The following CNTN4 variants were observed in gnomAD, a reference collection of about 807,000 sequenced individuals.
The protein encoded by CNTN4 is contactin-4.
In CNTN4, 77 loss-of-function variants were observed where a neutral mutation model predicts 122.5. That is an observed-to-expected ratio of 0.63 (90% confidence interval 0.52 to 0.76). CNTN4 has a LOEUF of 0.76. Among genes scored for constraint, CNTN4 ranks in the 30% least tolerant of loss-of-function variants. The pLI, the probability that CNTN4 is intolerant of heterozygous loss-of-function variation, is 0.00. For missense variants in CNTN4, 1,256 were observed against 1,259.1 expected, an observed-to-expected ratio of 1.00 and a Z score of 0.04; for synonymous variants, 512 against 447.0, an observed-to-expected ratio of 1.15 and a Z score of -1.83.
intron 3 of CNTN4, among the ~76,000 whole-genome samples, chr3:2,347,109 C>G (rs1026039218): frequency 6.7e-6 from 1 of 149,012 alleles, no homozygotes; most frequent in Admixed American, 6.8e-5. Context: ...TGCTACTTAA[C>G]TTTTGTATCA....
intron 3 of CNTN4, among the ~76,000 whole-genome samples, chr3:2,513,765 T>C (rs986203184): frequency 1.3e-5 from 2 of 152,290 alleles, no homozygotes; most frequent in South Asian, 4.1e-4. Context: ...GTCTTCCTAG[T>C]TGTTTGCTTA....
chr3:2,349,012 C>T (rs557940094), intron 3 of CNTN4, among the ~76,000 whole-genome samples: 13 of 152,286 alleles, frequency 8.5e-5, no homozygotes, highest in African/African-American at 2.9e-4. Context: ...AGGAAAGATA[C>T]AACTTTGTCC....
intron 3 of CNTN4, among the ~76,000 whole-genome samples, chr3:2,390,473 A>G (rs553206341): frequency 6.6e-6 from 1 of 152,146 alleles, no homozygotes; most frequent in African/African-American, 2.4e-5. Context: ...ACTGGTGTAC[A>G]TTCAATGTGC....
chr3:2,891,637 C>G (rs1008123636), intron 10 of CNTN4, among the ~76,000 whole-genome samples: 3 of 152,118 alleles, frequency 2.0e-5, no homozygotes, highest in African/African-American at 7.2e-5. Flanking sequence ...AGTGCAAAGA[C>G]TCTGAGGCAG....
At chr3:2,152,899 G>C (rs2035557614) in intron 2 of CNTN4, among the ~76,000 whole-genome samples, 1 of 152,178 alleles carries the variant, frequency 6.6e-6, no homozygotes, top group South Asian at 2.1e-4. Flanking sequence ...TGCCCTCTTA[G>C]CCTGGACCCC....
intron 3 of CNTN4, among the ~76,000 whole-genome samples, chr3:2,539,399 T>C (rs992622444): frequency 5.9e-5 from 9 of 152,130 alleles, no homozygotes; most frequent in African/African-American, 2.2e-4. Context: ...TCTCTGTCAA[T>C]TGGCACTAAT....
chr3:2,199,442 T>C (rs1182239627), intron 2 of CNTN4, among the ~76,000 whole-genome samples: 1 of 152,164 alleles, frequency 6.6e-6, no homozygotes, highest in African/African-American at 2.4e-5. Context: ...TTATTATAAA[T>C]ATTTTTATAG....
At chr3:2,272,808 G>GC (rs2041353539) in intron 2 of CNTN4, among the ~76,000 whole-genome samples, 2 of 16,442 alleles carry the variant, frequency 1.2e-4, no homozygotes, top group Admixed American at 1.7e-3. Flanking sequence ...ACACTACAGA[G>GC]CCTTTTTTTT....
At chr3:2,380,057 C>A (rs375751962) in intron 3 of CNTN4, among the ~76,000 whole-genome samples, 660 of 119,380 alleles carry the variant, frequency 5.5e-3, no homozygotes, top group South Asian at 6.5e-3. Context: ...AACTCCATCT[C>A]AAAAAAAAAA....
At chr3:2,216,005 C>T (rs2038823875) in intron 2 of CNTN4, among the ~76,000 whole-genome samples, 1 of 150,366 alleles carries the variant, frequency 6.7e-6, no homozygotes, top group African/African-American at 2.4e-5. Flanking sequence ...AAAAGCAGAA[C>T]TACCATTTGA....
chr3:2,927,079 A>G (rs1456134237), intron 13 of CNTN4, among the ~76,000 whole-genome samples: 1 of 152,204 alleles, frequency 6.6e-6, no homozygotes, highest in African/African-American at 2.4e-5. Flanking sequence ...AGTATGTACC[A>G]CATGTATTTC....
chr3:2,874,500 G>A (rs1237247384), intron 8 of CNTN4, among the ~76,000 whole-genome samples: 1 of 152,176 alleles, frequency 6.6e-6, no homozygotes, highest in African/African-American at 2.4e-5. Flanking sequence ...TACTCATTGA[G>A]TATCTGTTCT....
At chr3:2,267,250 C>G (rs897386647) in intron 2 of CNTN4, among the ~76,000 whole-genome samples, 2 of 152,090 alleles carry the variant, frequency 1.3e-5, no homozygotes, top group African/African-American at 4.8e-5. Context: ...AGTAGGTTCC[C>G]TTTGAATTGA....
At chr3:2,680,090 G>T (rs1166809288) in intron 4 of CNTN4, among the ~76,000 whole-genome samples, 1 of 152,140 alleles carries the variant, frequency 6.6e-6, no homozygotes, top group Non-Finnish European at 1.5e-5. Context: ...AGTAAGGGAT[G>T]GTTGGGTGAA....
intron 6 of CNTN4, among the ~76,000 whole-genome samples, chr3:2,785,016 C>T (rs533477657): frequency 6.6e-6 from 1 of 152,190 alleles, no homozygotes; most frequent in South Asian, 2.1e-4. Flanking sequence ...GCCCTGGACA[C>T]CCTAACCCCC....
intron 4 of CNTN4, among the ~76,000 whole-genome samples, chr3:2,695,576 T>C (rs1576480177): frequency 6.6e-6 from 1 of 152,354 alleles, no homozygotes; most frequent in African/African-American, 2.4e-5. Context: ...GTAACAGGTT[T>C]TGTGATAGAC....
At chr3:3,000,451 G>T (rs112138751) in intron 14 of CNTN4, among the ~76,000 whole-genome samples, 82 of 152,332 alleles carry the variant, frequency 5.4e-4, no homozygotes, top group African/African-American at 1.9e-3. Flanking sequence ...CAAACTCTAT[G>T]TGACATCAGA....
At chr3:2,463,635 T>G (rs971923732) in intron 3 of CNTN4, among the ~76,000 whole-genome samples, 10 of 152,210 alleles carry the variant, frequency 6.6e-5, no homozygotes, top group African/African-American at 2.4e-4. Flanking sequence ...GGCGAGCACC[T>G]ATAATCCCAG....
chr3:2,776,895 G>A (rs79725994), intron 6 of CNTN4, among the ~76,000 whole-genome samples: 139 of 152,288 alleles, frequency 9.1e-4, no homozygotes, highest in African/African-American at 2.9e-3. Flanking sequence ...CAGAGACTCT[G>A]TGTGAGGGTG....
Sources: allele counts gnomAD v4.1 joint callset (sites outside exome capture counted in the v4.1 genomes callset), GRCh38; gene constraint gnomAD v4.1.1; transcripts MANE v1.5; gene names NCBI Gene and HGNC (gene_info 2026-07-23, HGNC 2026-07-21).